RBFOX3: variants seen among roughly 807,000 people sequenced by gnomAD.
The protein encoded by RBFOX3 is RNA binding fox-1 homolog 3, also known as RNA binding protein fox-1 homolog 3.
RBFOX3 carries 17 observed loss-of-function variants against 48.7 expected under a neutral mutation model. The observed-to-expected ratio is 0.35, with a 90% confidence interval of 0.24 to 0.52. RBFOX3 has a LOEUF of 0.52. Among genes scored for constraint, RBFOX3 ranks in the 20% least tolerant of loss-of-function variants. RBFOX3 has a pLI of 0.94. For synonymous variants in RBFOX3, 212 were observed against 209.5 expected (o/e 1.01, Z -0.10); for missense variants, 382 against 497.5 (o/e 0.77, Z 2.21).
In RBFOX3 at chr17:79,115,495, G is replaced by T. The variant is rs1439261695; in HGVS notation, c.221C>A (p.Pro74Gln). Reference sequence around the variant, plus strand: ...GCCTGGGGTCGTGGGGGCCCTTACCGGCACTGTCTGGGTCCCGGCGATGGG... The same window carrying T: ...GCCTGGGGTCGTGGGGGCCCTTACCTGCACTGTCTGGGTCCCGGCGATGGG... Reference protein sequence around the residue: ...TQPIAGTQTVPQTDEAAQTDS... With the variant: ...TQPIAGTQTVQQTDEAAQTDS... Residue 74 changes from proline to glutamine, a missense_variant and splice_region_variant, in exon 5 of 15, where the codon CCG becomes CAG. Pro to Gln is a moderately conservative substitution (Grantham distance 76). Transcript: ENST00000693108. The T allele has an allele frequency of 6.8e-6, 9 of 1,324,088 alleles. No individual in the cohort carries two copies. Among genetic ancestry groups the T allele is most frequent in the Non-Finnish European group, 7.7e-6 (8 of 1,037,042 alleles). The allele number at this position is 1,324,088 out of a possible 1,614,324, so 82.0% of individuals were successfully genotyped here.
chr17:79,497,631 G>A (rs2081745620), intron 1 of RBFOX3, among the ~76,000 whole-genome samples: 1 of 152,192 alleles, frequency 6.6e-6, no homozygotes, highest in African/African-American at 2.4e-5. Context: ...TAAACACGAA[G>A]CTCTAGAACA....
At chr17:79,135,660 T>C (rs2040021974) in intron 4 of RBFOX3, among the ~76,000 whole-genome samples, 1 of 152,094 alleles carries the variant, frequency 6.6e-6, no homozygotes, top group South Asian at 2.1e-4. Flanking sequence ...CCATACAGGA[T>C]CTCTGTGGGA....
chr17:79,091,011 C>A, intron 14 of RBFOX3, 126 bp from the exon 15 acceptor site: 1 of 905,200 alleles, frequency 1.1e-6, no homozygotes, highest in Non-Finnish European at 1.7e-6. Context: ...ACCTGCCCCC[C>A]AGGTTTCCAG....
chr17:79,497,493 C>T (rs886989000), intron 1 of RBFOX3, among the ~76,000 whole-genome samples: 4 of 152,250 alleles, frequency 2.6e-5, no homozygotes, highest in South Asian at 2.1e-4. Flanking sequence ...GTGTCTCATA[C>T]GTAGTACTAG....
Position 79,392,370 on chromosome 17 carries a change from T to C in RBFOX3, c.-174-84546A>G, listed in dbSNP as rs1193456282. Among the ~76,000 whole-genome samples the C allele has an allele frequency of 2.0e-5, 3 of 152,184 alleles. No individual in the cohort carries two copies. The highest frequency in any genetic ancestry group is 7.2e-5 in the African/African-American group (3 of 41,444). On this transcript the variant is annotated intron_variant, in intron 2 of 14. Transcript: ENST00000693108. The surrounding 1 kb of genome is among the most constrained non-coding windows in gnomAD (Gnocchi z 5.0). ...GGGCACGTGATTTCACCGTCTTTCATTGTGGAGTTGTGAAGATTCATAAGC... is the reference window on the plus strand; with the variant it reads ...GGGCACGTGATTTCACCGTCTTTCACTGTGGAGTTGTGAAGATTCATAAGC...
chr17:79,365,972 G>T (rs1288869939), intron 2 of RBFOX3, among the ~76,000 whole-genome samples: 1 of 152,226 alleles, frequency 6.6e-6, no homozygotes, highest in East Asian at 1.9e-4. Context: ...CCACGCCACG[G>T]ATGTCCTGCC....
chr17:79,095,633 G>A, intron 12 of RBFOX3, 59 bp from the exon 13 acceptor site: 1 of 1,440,810 alleles, frequency 6.9e-7, no homozygotes, highest in Non-Finnish European at 9.5e-7. Context: ...CCCAGGGAAA[G>A]GCTGAGTGGG....
intron 3 of RBFOX3, among the ~76,000 whole-genome samples, chr17:79,275,534 G>T (rs988535068): frequency 1.3e-5 from 2 of 152,278 alleles, no homozygotes; most frequent in African/African-American, 4.8e-5. Context: ...CAGACCGCAC[G>T]CTCACTGAAG....
At chr17:79,620,614 C>G in the RBFOX3 span, among the ~76,000 whole-genome samples, 1 of 134,756 alleles carries the variant, frequency 7.4e-6, no homozygotes, top group African/African-American at 2.8e-5. Context: ...CACACATGCA[C>G]ACACGCACAT....
chr17:79,550,398 G>A (rs955890396), intron 1 of RBFOX3, among the ~76,000 whole-genome samples: 26,154 of 152,150 alleles, frequency 0.17, 3,050 homozygotes, highest in Non-Finnish European at 0.25. Flanking sequence ...AGGGGGCCCA[G>A]ACATCAGGGA....
chr17:79,137,602 C>T (rs58249933), intron 4 of RBFOX3, among the ~76,000 whole-genome samples: 2,799 of 152,300 alleles, frequency 0.018, 88 homozygotes, highest in African/African-American at 0.063. Context: ...GGGGCCTGAG[C>T]GCCTCCTTTC....
chr17:79,413,889 A>G (rs1296076961), intron 2 of RBFOX3, among the ~76,000 whole-genome samples: 2 of 151,642 alleles, frequency 1.3e-5, no homozygotes, highest in Non-Finnish European at 2.9e-5. Flanking sequence ...AGTGGTCCCT[A>G]CCAGCCTCAT....
intron 2 of RBFOX3, 26 bp from the exon 3 acceptor site, chr17:79,307,850 A>G (rs752786273): frequency 1.3e-5 from 2 of 153,740 alleles, no homozygotes; most frequent in African/African-American, 4.8e-5. Flanking sequence ...AAAACAAGAG[A>G]ACAAAACGGT....
At chr17:79,536,606 C>T (rs2088801623) in intron 1 of RBFOX3, among the ~76,000 whole-genome samples, 1 of 147,958 alleles carries the variant, frequency 6.8e-6, no homozygotes, top group African/African-American at 2.5e-5. Context: ...CCTCCTTGGC[C>T]ACGGGTGTTT....
chr17:79,298,575 T>C (rs2074779820), intron 3 of RBFOX3, among the ~76,000 whole-genome samples: 1 of 152,138 alleles, frequency 6.6e-6, no homozygotes, highest in African/African-American at 2.4e-5. Flanking sequence ...GCCAAGTCCA[T>C]GCTTGGTGGA....
At chr17:79,597,200 A>G (rs889303546) in intron 1 of RBFOX3, among the ~76,000 whole-genome samples, 8 of 152,194 alleles carry the variant, frequency 5.3e-5, no homozygotes, top group Non-Finnish European at 8.8e-5. Context: ...GGAGCCTGAG[A>G]TCACCTCCTG....
At chr17:79,177,244 T>C (rs1468507097) in intron 4 of RBFOX3, among the ~76,000 whole-genome samples, 1 of 151,634 alleles carries the variant, frequency 6.6e-6, no homozygotes, top group Non-Finnish European at 1.5e-5. Flanking sequence ...TGGAACCTGA[T>C]ATTCTGCTTT....
At chr17:79,259,709 TC>T (rs2065431706) in intron 3 of RBFOX3, among the ~76,000 whole-genome samples, 1 of 151,938 alleles carries the variant, frequency 6.6e-6, no homozygotes, top group South Asian at 2.1e-4. Flanking sequence ...AATCCTGCGT[TC>T]CCCGGGAGCC....
intron 1 of RBFOX3, among the ~76,000 whole-genome samples, chr17:79,518,865 C>T (rs908638909): frequency 2.0e-5 from 3 of 152,260 alleles, no homozygotes; most frequent in Non-Finnish European, 2.9e-5. Flanking sequence ...TCAAGAGAAA[C>T]AATTTGGAAA....
Sources: gnomAD v4.1 joint callset for allele counts (sites outside exome capture counted in the v4.1 genomes callset) on GRCh38, gnomAD v4.1.1 for gene constraint, Gnocchi (gnomAD v3.1) non-coding constraint, MANE v1.5 for transcripts, NCBI Gene and HGNC (gene_info 2026-07-23, HGNC 2026-07-21) for gene names.